CDH20: variants seen among roughly 807,000 people sequenced by gnomAD.
The protein encoded by CDH20 is cadherin-20.
Under a neutral mutation model 74.2 loss-of-function variants are expected in CDH20, and 29 were observed. The ratio of observed to expected loss-of-function variants is 0.39; its 90% CI spans 0.29 to 0.53. The LOEUF (loss-of-function observed/expected upper bound fraction) is 0.53, where lower values mean the gene tolerates loss of function less well. CDH20 is among the 20% of genes least tolerant of loss of function. The pLI, the probability that CDH20 is intolerant of heterozygous loss-of-function variation, is 0.69. For missense variants in CDH20, 988 were observed against 1,048.3 expected, an observed-to-expected ratio of 0.94 and a Z score of 0.79; for synonymous variants, 469 against 405.4, an observed-to-expected ratio of 1.16 and a Z score of -1.88.
chr18:61,536,752 C>T, intron 8 of CDH20, 123 bp downstream of exon 8: 1 of 848,460 alleles, frequency 1.2e-6, no homozygotes, highest in Non-Finnish European at 1.8e-6. Flanking sequence ...GGAAATCATG[C>T]TTTATGCAAG....
At chr18:61,441,678 G>A (rs2144319163) in intron 1 of CDH20, among the ~76,000 whole-genome samples, 1 of 152,200 alleles carries the variant, frequency 6.6e-6, no homozygotes, top group Middle Eastern at 3.4e-3. Flanking sequence ...ACTCAGCTTT[G>A]GTCATTCCTT....
At chr18:61,426,191 TA>T (rs1391374415) in intron 1 of CDH20, among the ~76,000 whole-genome samples, 1 of 151,628 alleles carries the variant, frequency 6.6e-6, no homozygotes, top group Admixed American at 6.6e-5. Context: ...TTCCAAAAAA[TA>T]AAATAAAATA....
intron 6 of CDH20, among the ~76,000 whole-genome samples, chr18:61,514,501 G>A (rs770903375): frequency 6.6e-5 from 10 of 152,072 alleles, no homozygotes; most frequent in Non-Finnish European, 1.3e-4. Context: ...CTCTCAGCTC[G>A]TCAAAGTCAT....
rs1325276009 is a variant in CDH20, at chr18:61,499,205, G to A, written c.266G>A (p.Arg89Lys). The A allele has an allele frequency of 2.5e-6, 4 of 1,595,174 alleles. No individual in the cohort carries two copies. The highest frequency in any genetic ancestry group is 4.5e-5 in the East Asian group (2 of 44,592). Residue 89 changes from arginine to lysine, a missense_variant, in exon 3 of 12, where the codon AGG (arginine) becomes AAG (lysine). Physicochemically the swap from Arg to Lys is conservative, Grantham distance 26. Coordinates refer to ENST00000262717, the MANE Select transcript of CDH20 (RefSeq NM_031891.4). ...TCCCAGCTTCATTCAGATATGGACAGGGGAGACGGATCCATCAAATACATC... is the reference window on the plus strand; with the variant it reads ...TCCCAGCTTCATTCAGATATGGACAAGGGAGACGGATCCATCAAATACATC... ...YVGKLHSDMD[R>K]GDGSIKYILS... is the part of the protein sequence containing the mutation.
chr18:61,408,846 G>A (rs1912409656), intron 1 of CDH20, among the ~76,000 whole-genome samples: 1 of 152,142 alleles, frequency 6.6e-6, no homozygotes, highest in South Asian at 2.1e-4. Flanking sequence ...ATTGCACTAT[G>A]TGGACTTACA....
At chr18:61,478,572 G>C (rs1293028967) in intron 1 of CDH20, among the ~76,000 whole-genome samples, 1 of 152,052 alleles carries the variant, frequency 6.6e-6, no homozygotes, top group African/African-American at 2.4e-5. Flanking sequence ...GCTTGTTTTT[G>C]TTTTTCCGTG....
chr18:61,423,627 G>A (rs559618332), intron 1 of CDH20, among the ~76,000 whole-genome samples: 2 of 151,198 alleles, frequency 1.3e-5, no homozygotes, highest in African/African-American at 4.9e-5. Flanking sequence ...ATAACATCTA[G>A]CAGTAAAAGC....
intron 1 of CDH20, among the ~76,000 whole-genome samples, chr18:61,344,280 C>G (rs547475035): frequency 2.2e-4 from 33 of 152,266 alleles, no homozygotes; most frequent in Admixed American, 8.5e-4. Context: ...CCATCTATTC[C>G]TGATAATGCC....
intron 11 of CDH20, among the ~76,000 whole-genome samples, chr18:61,550,617 A>T (rs1913400447): frequency 6.6e-6 from 1 of 152,220 alleles, no homozygotes; most frequent in Non-Finnish European, 1.5e-5. Flanking sequence ...CCTTCATTTA[A>T]GTAGTAGCTA....
In CDH20 at chr18:61,507,422, C is replaced by G; in HGVS notation, c.879C>G (p.Val293=). The change falls in exon 6 of 12, where the codon GTC becomes GTG. Residue 293 remains valine (V), a synonymous_variant. Transcript: ENST00000262717. ...AATCAGCTCCAATTAGCTCCACTGT[C>G]GGGAGAGTGTTTGCCAAGGACTTGG... ...VLESAPISST[V]GRVFAKDLDE... 6.2e-7 allele frequency: 1 copy of G among 1,614,036 alleles called. No homozygotes were observed. The highest frequency in any genetic ancestry group is 8.5e-7 in the Non-Finnish European group (1 of 1,179,972).
In CDH20 at chr18:61,555,343, CAA is replaced by C; in HGVS notation, c.*649_*650del. ...TTATGCTCAAGTTTAGTGGCTGAAC[CAA>C]GAGATGTTGGCATTACAGCTCATCC... On this transcript the variant is annotated 3_prime_UTR_variant, in exon 12 of 12. Transcript: ENST00000262717. 2.0e-6 allele frequency: 2 copies of C among 985,452 alleles called. No individual in the cohort carries two copies. The highest frequency in any genetic ancestry group is 2.4e-6 in the Non-Finnish European group (2 of 830,012). 61.0% of individuals were successfully genotyped at this position (985,452 alleles called of 1,614,324 possible). A position where few individuals can be genotyped will look rare whatever the true frequency, so the allele number is the denominator to read the frequency against.
At chr18:61,460,727 A>G (rs548601342) in intron 1 of CDH20, among the ~76,000 whole-genome samples, 1 of 152,274 alleles carries the variant, frequency 6.6e-6, no homozygotes, top group South Asian at 2.1e-4. Flanking sequence ...TCCCTTGACC[A>G]TATGGTTTAT....
chr18:61,491,362 G>T (rs1486098815), intron 2 of CDH20, among the ~76,000 whole-genome samples: 2 of 152,030 alleles, frequency 1.3e-5, no homozygotes. Flanking sequence ...TTTAATCCTG[G>T]ATTTTTCCTG....
At chr18:61,358,216 G>A (rs1187247336) in intron 1 of CDH20, among the ~76,000 whole-genome samples, 1 of 150,144 alleles carries the variant, frequency 6.7e-6, no homozygotes, top group Non-Finnish European at 1.5e-5. Context: ...CTGGGTTCAC[G>A]CCATTCTCCT....
chr18:61,349,625 A>G (rs982442268), intron 1 of CDH20, among the ~76,000 whole-genome samples: 4 of 152,188 alleles, frequency 2.6e-5, no homozygotes. Flanking sequence ...TTCAGCACCT[A>G]GGAGTTCTGC....
intron 1 of CDH20, among the ~76,000 whole-genome samples, chr18:61,426,470 G>C (rs1913075247): frequency 1.3e-5 from 2 of 152,148 alleles, no homozygotes; most frequent in South Asian, 4.1e-4. Context: ...ATTTTTAATA[G>C]ACCTAGCAAA....
chr18:61,389,441 G>A (rs1299978295), intron 1 of CDH20, among the ~76,000 whole-genome samples: 1 of 152,022 alleles, frequency 6.6e-6, no homozygotes, highest in Non-Finnish European at 1.5e-5. Context: ...TAAGAATCAG[G>A]ACAGTTTTGT....
rs10163745 is a variant in CDH20 at position 61,483,368 on chromosome 18, C to G, written c.-152-7034C>G. On this transcript the variant is annotated intron_variant, in intron 1 of 11. Coordinates refer to ENST00000262717, the MANE Select transcript of CDH20 (RefSeq NM_031891.4). ...GAGGCTTTGAGGCATTGAGAGGCTC[C>G]GGTGAAAGGTGATAGGAGTTGACCC... Among the ~76,000 whole-genome samples, 4 of 151,920 alleles carry G rather than the reference C, an allele frequency of 2.6e-5. No individual in the cohort carries two copies. In the South Asian group the frequency reaches 8.3e-4, roughly 32 times the overall value.
At chr18:61,387,845 A>G (rs913567307) in intron 1 of CDH20, among the ~76,000 whole-genome samples, 2 of 152,182 alleles carry the variant, frequency 1.3e-5, no homozygotes, top group African/African-American at 4.8e-5. Flanking sequence ...AATTATTTCA[A>G]ATTCTAAGCC....
Sources: allele counts gnomAD v4.1 joint callset (sites outside exome capture counted in the v4.1 genomes callset), GRCh38; gene constraint gnomAD v4.1.1; transcripts MANE v1.5; gene names NCBI Gene and HGNC (gene_info 2026-07-23, HGNC 2026-07-21).